Variants in GABRA3 observed in about 807,000 individuals in gnomAD.
The protein encoded by GABRA3 is gamma-aminobutyric acid receptor subunit alpha-3.
A neutral mutation model predicts 30.1 loss-of-function variants in GABRA3; 10 were observed. The ratio of observed to expected loss-of-function variants is 0.33; its 90% confidence interval spans 0.20 to 0.56. GABRA3 has a LOEUF of 0.56. Among genes scored for constraint, GABRA3 ranks in the 20% least tolerant of loss-of-function variants. The pLI is 0.89. For missense variants in GABRA3, 233 were observed against 392.0 expected, an observed-to-expected ratio of 0.59 and a Z score of 3.42; for synonymous variants, 151 against 146.8, an observed-to-expected ratio of 1.03 and a Z score of -0.21.
intron 5 of GABRA3, among the ~76,000 whole-genome samples, chrX:152,242,972 T>G (rs1054669957): frequency 1.8e-5 from 2 of 112,268 alleles, no homozygotes; most frequent in African/African-American, 6.5e-5. Context: ...ATTTAAGCAT[T>G]CATTGGTGGA....
In GABRA3 at chrX:152,401,014, C is replaced by A. The variant is rs528370696; in HGVS notation, c.-26-36418G>T. The stretch of plus-strand genomic sequence containing the variant: ...TTGCAAGCATATTCATCACCAGAGC[C>A]TCCAGAAAAATAATGTAGCCCTTAC... On this transcript the variant is annotated intron_variant, in intron 1 of 9. Transcript: ENST00000370314. Among the ~76,000 whole-genome samples, 49 of 111,485 alleles carry A rather than the reference C, an allele frequency of 4.4e-4. No individual in the cohort carries two copies. The South Asian group carries it at 0.018, about 41-fold the overall frequency.
chrX:152,200,836 G>A (rs6627215), intron 7 of GABRA3, among the ~76,000 whole-genome samples: 1 of 112,326 alleles, frequency 8.9e-6, no homozygotes, highest in African/African-American at 3.2e-5. Flanking sequence ...TTGAATAACT[G>A]ACTCAAAATG....
intron 4 of GABRA3, among the ~76,000 whole-genome samples, chrX:152,274,146 T>A (rs1369003559): frequency 9.0e-6 from 1 of 111,440 alleles, no homozygotes; most frequent in African/African-American, 3.3e-5. Flanking sequence ...GTGGAAAAAG[T>A]AACAACTCTA....
intron 3 of GABRA3, among the ~76,000 whole-genome samples, chrX:152,305,539 C>G (rs1174408792): frequency 9.0e-6 from 1 of 111,034 alleles, no homozygotes; most frequent in Non-Finnish European, 1.9e-5. Context: ...TTAAAAAGAA[C>G]ACTTTTCCAA....
chrX:152,174,665 G>C (rs897664393), intron 9 of GABRA3, among the ~76,000 whole-genome samples: 21 of 109,788 alleles, frequency 1.9e-4, no homozygotes, highest in South Asian at 4.3e-4. Context: ...AAATTTGTTT[G>C]AGTTCATTGT....
At chrX:152,285,375 G>T (rs1206196592) in intron 3 of GABRA3, among the ~76,000 whole-genome samples, 1 of 111,491 alleles carries the variant, frequency 9.0e-6, no homozygotes, top group African/African-American at 3.3e-5. Context: ...TTTTGGGGGG[G>T]TTAATTGTCC....
At chrX:152,280,480 G>T (rs994353334) in intron 4 of GABRA3, among the ~76,000 whole-genome samples, 1 of 111,211 alleles carries the variant, frequency 9.0e-6, no homozygotes, top group African/African-American at 3.3e-5. Flanking sequence ...CCAGGAAAGA[G>T]ATCCCTGTGC....
chrX:152,447,149 G>C (rs1423635072), intron 1 of GABRA3, among the ~76,000 whole-genome samples: 1 of 110,694 alleles, frequency 9.0e-6, no homozygotes, highest in Non-Finnish European at 1.9e-5. Flanking sequence ...TCATCTTGGA[G>C]GGCAGAGGCT....
intron 3 of GABRA3, among the ~76,000 whole-genome samples, chrX:152,291,075 G>T (rs950241813): frequency 9.0e-6 from 1 of 111,495 alleles, no homozygotes; most frequent in African/African-American, 3.3e-5. Flanking sequence ...ACTTGATGGG[G>T]ATGGCATTGA....
intron 1 of GABRA3, among the ~76,000 whole-genome samples, chrX:152,441,475 T>C (rs1035470607): frequency 2.7e-5 from 3 of 111,973 alleles, no homozygotes; most frequent in Non-Finnish European, 5.6e-5. Flanking sequence ...TTCTTGTAAT[T>C]TGATAATTTC....
chrX:152,420,782 C>T (rs1189967524), intron 1 of GABRA3, among the ~76,000 whole-genome samples: 6 of 111,165 alleles, frequency 5.4e-5, no homozygotes, highest in Admixed American at 4.8e-4. Context: ...TACTACCACA[C>T]ATCATACAAA....
At chrX:152,385,177 T>C (rs996661189) in intron 1 of GABRA3, among the ~76,000 whole-genome samples, 1 of 111,795 alleles carries the variant, frequency 8.9e-6, no homozygotes, top group Non-Finnish European at 1.9e-5. Context: ...TATAAAATGG[T>C]ACAAACTCTT....
chrX:152,192,800 C>T (rs983104263), intron 8 of GABRA3, among the ~76,000 whole-genome samples: 2 of 111,733 alleles, frequency 1.8e-5, no homozygotes, highest in African/African-American at 6.5e-5. Flanking sequence ...AAAGTCCTAT[C>T]TGACCTTATC....
At chrX:152,337,248 A>G (rs1194395790) in intron 3 of GABRA3, among the ~76,000 whole-genome samples, 1 of 111,693 alleles carries the variant, frequency 9.0e-6, no homozygotes, top group Non-Finnish European at 1.9e-5. Context: ...GTCTTGAAAT[A>G]GAAATACATC....
intron 8 of GABRA3, among the ~76,000 whole-genome samples, chrX:152,196,302 C>G (rs1412676379): frequency 9.7e-6 from 1 of 102,887 alleles, no homozygotes; most frequent in Non-Finnish European, 2.0e-5. Context: ...GAGGCTGAGG[C>G]AGGAGAATCG....
In GABRA3 at chrX:152,168,122, G is replaced by A; in HGVS notation, c.*106C>T. 1 of 586,887 alleles carries A rather than the reference G, an allele frequency of 1.7e-6. No individual in the cohort carries two copies. The highest frequency in any genetic ancestry group is 3.3e-5 in the East Asian group (1 of 29,891). 48.4% of individuals were successfully genotyped at this position (586,887 alleles called of 1,213,427 possible). On this transcript the variant is annotated 3_prime_UTR_variant, in exon 10 of 10. Transcript: ENST00000370314. Reference sequence around the variant, plus strand: ...ATTGAGGGTCACAGCTTGGTAGAGGGGTAAAAAGGAGAATCCTGAAATACG... The same window carrying A: ...ATTGAGGGTCACAGCTTGGTAGAGGAGTAAAAAGGAGAATCCTGAAATACG...
intron 1 of GABRA3, among the ~76,000 whole-genome samples, chrX:152,410,589 C>T (rs1222528774): frequency 4.6e-5 from 5 of 109,782 alleles, no homozygotes; most frequent in African/African-American, 9.9e-5. Flanking sequence ...TATTATGTAC[C>T]CATAATTATT....
At chrX:152,270,255 TC>T (rs1192710551) in intron 4 of GABRA3, among the ~76,000 whole-genome samples, 1 of 110,495 alleles carries the variant, frequency 9.1e-6, no homozygotes, top group Non-Finnish European at 1.9e-5. Flanking sequence ...TAAGAGGCTT[TC>T]CCCCCCTTTA....
At chrX:152,417,999 C>A (rs1315646377) in intron 1 of GABRA3, among the ~76,000 whole-genome samples, 4 of 101,023 alleles carry the variant, frequency 4.0e-5, no homozygotes, top group African/African-American at 1.5e-4. Flanking sequence ...ACAATGTGCA[C>A]ATGTACCCTA....
Sources: gnomAD v4.1 joint callset for allele counts (sites outside exome capture counted in the v4.1 genomes callset) on GRCh38, gnomAD v4.1.1 for gene constraint, MANE v1.5 for transcripts, NCBI Gene and HGNC (gene_info 2026-07-23, HGNC 2026-07-21) for gene names.